Variants in ADAMTS6 observed in about 807,000 individuals in gnomAD.
ADAMTS6 encodes the protein ADAM metallopeptidase with thrombospondin type 1 motif 6.
ADAMTS6 carries 23 observed loss-of-function variants against 144.3 expected under a neutral mutation model. The observed-to-expected ratio is 0.16, with a 90% CI of 0.11 to 0.23. The LOEUF is 0.23. Among genes scored for constraint, ADAMTS6 ranks in the 10% least tolerant of loss-of-function variants. The probability of loss-of-function intolerance (pLI) is 1.00; values close to 1 mark genes in which losing one functional copy is unlikely to be tolerated. For synonymous variants in ADAMTS6, 444 were observed against 457.5 expected, an observed-to-expected ratio of 0.97 and a Z score of 0.38; for missense variants, 999 against 1,379.6, an observed-to-expected ratio of 0.72 and a Z score of 4.37.
chr5:65,160,238 G>C (rs981396348), intron 24 of ADAMTS6, among the ~76,000 whole-genome samples: 1 of 152,062 alleles, frequency 6.6e-6, no homozygotes, highest in Non-Finnish European at 1.5e-5. Context: ...GACTGTGCTG[G>C]AGGAAAGGGG....
intron 7 of ADAMTS6, among the ~76,000 whole-genome samples, chr5:65,382,552 TGAC>T (rs553111291): frequency 7.4e-4 from 112 of 152,356 alleles, no homozygotes; most frequent in Middle Eastern, 3.4e-3. Flanking sequence ...TTCAAGATGA[TGAC>T]AAGACAGCAT....
intron 11 of ADAMTS6, 57 bp from the exon 12 acceptor site, chr5:65,273,504 A>G (rs913640623): frequency 5.1e-6 from 7 of 1,375,604 alleles, no homozygotes; most frequent in African/African-American, 1.4e-5. Context: ...CAATTCTTCC[A>G]TAAAATACAC....
At chr5:65,418,820 G>C (rs1267332219) in intron 7 of ADAMTS6, among the ~76,000 whole-genome samples, 1 of 152,054 alleles carries the variant, frequency 6.6e-6, no homozygotes, top group East Asian at 1.9e-4. Context: ...CTAATCATCA[G>C]AAAAATGTAA....
chr5:65,332,312 TAGAGAGAGAGAGAG>T (rs10673039), intron 8 of ADAMTS6, among the ~76,000 whole-genome samples: 1 of 102,090 alleles, frequency 9.8e-6, no homozygotes, highest in African/African-American at 3.4e-5. Context: ...TATATATATA[TAGAGAGAGAGAGAG>T]AGAGAGAGAG....
At chr5:65,450,482 A>T (rs546680084) in intron 7 of ADAMTS6, among the ~76,000 whole-genome samples, 2 of 152,308 alleles carry the variant, frequency 1.3e-5, no homozygotes, top group African/African-American at 4.8e-5. Flanking sequence ...TATGTTAAAT[A>T]CTGCCTTGCA....
intron 7 of ADAMTS6, among the ~76,000 whole-genome samples, chr5:65,356,120 T>A (rs1238985206): frequency 6.6e-6 from 1 of 151,906 alleles, no homozygotes; most frequent in East Asian, 1.9e-4. Context: ...TACATTTAAA[T>A]GACTAAAAAA....
intron 11 of ADAMTS6, among the ~76,000 whole-genome samples, chr5:65,279,450 GGGATT>G (rs1762820151): frequency 6.6e-6 from 1 of 152,112 alleles, no homozygotes; most frequent in Non-Finnish European, 1.5e-5. Flanking sequence ...CTGAGTAGCT[GGGATT>G]ACAGGCGCCT....
At position 65,197,257 on chromosome 5, in the gene ADAMTS6, G is replaced by T. The variant is rs182113991; in HGVS notation, c.2576-106C>A. The T allele has an allele frequency of 2.6e-6, 3 of 1,144,618 alleles. No individual in the cohort carries two copies. In the Admixed American group the frequency reaches 7.2e-5, roughly 27 times the overall value. The allele number at this position is 1,144,618 out of a possible 1,614,324, so 70.9% of individuals were successfully genotyped here. On this transcript the variant is annotated intron_variant, in intron 20 of 24. Coordinates refer to ENST00000381055, the MANE Select transcript of ADAMTS6 (RefSeq NM_197941.4). ...GAATTGACCTCACTGGATCGCTGCCGTCTTATCTGTTCCACATTGGACTGC... is the reference window on the plus strand; with the variant it reads ...GAATTGACCTCACTGGATCGCTGCCTTCTTATCTGTTCCACATTGGACTGC...
At chr5:65,339,503 T>C (rs540415502) in intron 7 of ADAMTS6, among the ~76,000 whole-genome samples, 77 of 142,886 alleles carry the variant, frequency 5.4e-4, no homozygotes, top group African/African-American at 1.9e-3. Context: ...AATTCTTCAG[T>C]AACAGAAACC....
intron 24 of ADAMTS6, among the ~76,000 whole-genome samples, chr5:65,164,035 G>A (rs996249190): frequency 1.1e-4 from 17 of 152,298 alleles, no homozygotes; most frequent in Admixed American, 2.0e-4. Flanking sequence ...GAGCCAAGAT[G>A]GCCGAATAGG....
At chr5:65,274,670 T>A (rs1213427785) in intron 11 of ADAMTS6, among the ~76,000 whole-genome samples, 1 of 151,374 alleles carries the variant, frequency 6.6e-6, no homozygotes, top group African/African-American at 2.4e-5. Context: ...TAGTGTCTAT[T>A]AAGGTTTTTG....
At position 65,471,013 on chromosome 5, in the gene ADAMTS6, A is replaced by G; in HGVS notation, c.227T>C (p.Ile76Thr). 6.2e-7 allele frequency: 1 copy of G among 1,613,238 alleles called. No individual in the cohort carries two copies. The highest frequency in any genetic ancestry group is 8.5e-7 in the Non-Finnish European group (1 of 1,179,720). The stretch of plus-strand genomic sequence containing the variant: ...CTTAGATACTGCCTGCTGTGGATCA[A>G]TAGGGTCCATACTCCGTCTTCTCCT... ...HSRRRRSMDP[I>T]DPQQAVSKLF... is the part of the protein sequence containing the mutation. The change falls in exon 3 of 25, where the codon ATT becomes ACT. Residue 76 changes from isoleucine (I) to threonine (T), a missense_variant. Ile to Thr is a moderately conservative substitution (Grantham distance 89). Transcript: ENST00000381055.
chr5:65,452,382 T>C (rs1190978879), intron 5 of ADAMTS6, among the ~76,000 whole-genome samples, 166 bp from the exon 6 acceptor site: 1 of 151,194 alleles, frequency 6.6e-6, no homozygotes, highest in Non-Finnish European at 1.5e-5. Flanking sequence ...AAGGTTTTTA[T>C]ACAAGTCTAC....
chr5:65,255,958 C>A (rs1760619928), intron 14 of ADAMTS6, among the ~76,000 whole-genome samples: 1 of 152,126 alleles, frequency 6.6e-6, no homozygotes, highest in South Asian at 2.1e-4. Flanking sequence ...GCCTCAGACT[C>A]CTGGGTTCAA....
At chr5:65,458,190 A>G (rs1759369202) in intron 4 of ADAMTS6, among the ~76,000 whole-genome samples, 1 of 152,176 alleles carries the variant, frequency 6.6e-6, no homozygotes, top group Non-Finnish European at 1.5e-5. Flanking sequence ...TTCATGTTTT[A>G]AGTAGATTCA....
chr5:65,332,326 G>T (rs1392113087), intron 8 of ADAMTS6, among the ~76,000 whole-genome samples: 4 of 149,226 alleles, frequency 2.7e-5, no homozygotes, highest in Non-Finnish European at 4.5e-5. Flanking sequence ...GAGAGAGAGA[G>T]AGAGAGAGAG....
At chr5:65,253,053 A>ACTTTCTGTAT (rs1421332983) in intron 14 of ADAMTS6, among the ~76,000 whole-genome samples, 2 of 151,732 alleles carry the variant, frequency 1.3e-5, no homozygotes, top group Admixed American at 1.3e-4. Context: ...ATGCCCAGCT[A>ACTTTCTGTAT]CTTTCTGTAT....
At chr5:65,454,692 C>G (rs1759045563) in intron 4 of ADAMTS6, among the ~76,000 whole-genome samples, 1 of 152,154 alleles carries the variant, frequency 6.6e-6, no homozygotes, top group Non-Finnish European at 1.5e-5. Context: ...AGAGTCTCTC[C>G]CTTGCTGACT....
At chr5:65,239,536 GA>G (rs1486624642) in intron 15 of ADAMTS6, among the ~76,000 whole-genome samples, 1 of 151,800 alleles carries the variant, frequency 6.6e-6, no homozygotes, top group East Asian at 1.9e-4. Flanking sequence ...TGACCAGAAA[GA>G]AAAATTATTT....
Sources: allele counts gnomAD v4.1 joint callset (sites outside exome capture counted in the v4.1 genomes callset), GRCh38; gene constraint gnomAD v4.1.1; transcripts MANE v1.5; gene names NCBI Gene and HGNC (gene_info 2026-07-23, HGNC 2026-07-21).